DMXL2: variants seen among roughly 807,000 people sequenced by gnomAD.
DMXL2 encodes dmX-like protein 2.
A neutral mutation model predicts 331.1 loss-of-function variants in DMXL2; 103 were observed. The observed-to-expected ratio is 0.31, with a 90% CI of 0.27 to 0.37. The LOEUF (loss-of-function observed/expected upper bound fraction) is 0.37. Ranked by LOEUF, DMXL2 falls within the 10% of genes least tolerant of loss-of-function variation. The pLI is 1.00. For synonymous variants in DMXL2, 1,281 were observed against 1,252.1 expected, an observed-to-expected ratio of 1.02 and a Z score of -0.49; for missense variants, 3,171 against 3,642.9, an observed-to-expected ratio of 0.87 and a Z score of 3.33.
At chr15:51,604,401 CA>C (rs75104531) in intron 1 of DMXL2, among the ~76,000 whole-genome samples, 28 of 128,832 alleles carry the variant, frequency 2.2e-4, no homozygotes, top group Middle Eastern at 4.4e-3. Flanking sequence ...AAGAGATTTA[CA>C]AAAAAAAAAA....
chr15:51,453,726 T>G, intron 40 of DMXL2, 85 bp from the exon 41 acceptor site: 3 of 1,083,114 alleles, frequency 2.8e-6, no homozygotes, highest in South Asian at 1.4e-5. Context: ...GCTAATAACA[T>G]ACTATATGCA....
chr15:51,588,301 G>A (rs1047546150), intron 1 of DMXL2, among the ~76,000 whole-genome samples: 2 of 152,092 alleles, frequency 1.3e-5, no homozygotes, highest in Non-Finnish European at 2.9e-5. Context: ...AGGACCACAG[G>A]TGCAAGCACC....
chr15:51,453,584 G>C lies in DMXL2; in HGVS notation c.8662C>G (p.Leu2888Val), dbSNP rs775720567. 1 of 1,613,686 alleles carries C rather than the reference G, an allele frequency of 6.2e-7. No individual in the cohort carries two copies. The highest frequency in any genetic ancestry group is 1.1e-5 in the South Asian group (1 of 91,028). ...SDFAFITSSSLVATSGHSNDN... is the reference protein window; with the variant it reads ...SDFAFITSSSVVATSGHSNDN... Reference sequence around the variant, plus strand: ...TTGGAGTGTCCAGATGTGGCAACTAGACTTGAAGAGGTAATAAATGCAAAG... The same window carrying C: ...TTGGAGTGTCCAGATGTGGCAACTACACTTGAAGAGGTAATAAATGCAAAG... Residue 2888 changes from leucine (L) to valine (V), a missense_variant, in exon 41 of 44, where the codon CTA (leucine) becomes GTA (valine). By Grantham distance (32) the Leu-to-Val change is conservative (BLOSUM62 1). Transcript: ENST00000560891.
chr15:51,541,707 T>C (rs1027203577), intron 9 of DMXL2, among the ~76,000 whole-genome samples: 3 of 152,160 alleles, frequency 2.0e-5, no homozygotes, highest in Non-Finnish European at 2.9e-5. Context: ...CTATGAGCAA[T>C]GTAATATAAA....
chr15:51,522,353 C>T (rs1211024674), intron 13 of DMXL2, among the ~76,000 whole-genome samples: 1 of 152,126 alleles, frequency 6.6e-6, no homozygotes, highest in Non-Finnish European at 1.5e-5. Flanking sequence ...CCAATCTAAA[C>T]CAAACTTAGG....
intron 13 of DMXL2, among the ~76,000 whole-genome samples, chr15:51,530,741 A>T (rs2047954288): frequency 6.6e-6 from 1 of 152,044 alleles, no homozygotes; most frequent in Non-Finnish European, 1.5e-5. Context: ...GGTGACAGAG[A>T]CTCCGTCTCA....
At chr15:51,554,402 G>A (rs2049416093) in intron 6 of DMXL2, among the ~76,000 whole-genome samples, 1 of 152,116 alleles carries the variant, frequency 6.6e-6, no homozygotes. Context: ...AAAGGTGACT[G>A]CCTGTTTTAG....
intron 1 of DMXL2, among the ~76,000 whole-genome samples, chr15:51,597,711 C>T (rs553185503): frequency 1.3e-3 from 193 of 152,282 alleles, no homozygotes; most frequent in Admixed American, 2.2e-3. Context: ...GGCATTAATG[C>T]TAAATTGTTT....
intron 33 of DMXL2, 175 bp from the exon 34 acceptor site, chr15:51,459,835 C>G (rs1305383545): frequency 1.1e-5 from 13 of 1,171,660 alleles, no homozygotes; most frequent in African/African-American, 3.2e-5. Flanking sequence ...AAACACAACA[C>G]AAAGCCAAAA....
chr15:51,591,014 A>G (rs2052271841), intron 1 of DMXL2, among the ~76,000 whole-genome samples: 1 of 152,232 alleles, frequency 6.6e-6, no homozygotes, highest in Non-Finnish European at 1.5e-5. Flanking sequence ...AGCGACGCAG[A>G]AGATGGGTGA....
intron 15 of DMXL2, among the ~76,000 whole-genome samples, chr15:51,507,583 C>CA (rs957477549): frequency 1.3e-5 from 2 of 151,116 alleles, no homozygotes; most frequent in Non-Finnish European, 3.0e-5. Flanking sequence ...ACACAAATAC[C>CA]AAAAAAGGGT....
In DMXL2 at chr15:51,502,929, G is replaced by C; in HGVS notation, c.2869C>G (p.His957Asp). Reference sequence around the variant, plus strand: ...TGAAGATTGGCAATTGATGAAGAATGTGGCATGGGGCTCACACTAGGAGAG... The same window carrying C: ...TGAAGATTGGCAATTGATGAAGAATCTGGCATGGGGCTCACACTAGGAGAG... The part of the protein sequence containing the change: ...ETSPSVSPMP[H>D]SSSIANLQTA... The change falls in exon 17 of 44, where the codon CAT becomes GAT. Residue 957 changes from histidine to aspartate, a missense_variant. His to Asp is a moderately conservative substitution (Grantham distance 81). Transcript: ENST00000560891. 2 of 1,614,096 alleles carry C rather than the reference G, an allele frequency of 1.2e-6. No individual in the cohort carries two copies. The highest frequency in any genetic ancestry group is 2.2e-5 in the South Asian group (2 of 91,084).
At chr15:51,462,755 G>T (rs2040238366) in intron 33 of DMXL2, among the ~76,000 whole-genome samples, 1 of 152,044 alleles carries the variant, frequency 6.6e-6, no homozygotes, top group South Asian at 2.1e-4. Context: ...CATATAAAAG[G>T]TCCCACTTTT....
At chr15:51,582,832 T>C (rs529327638) in intron 1 of DMXL2, among the ~76,000 whole-genome samples, 2 of 152,026 alleles carry the variant, frequency 1.3e-5, no homozygotes, top group Non-Finnish European at 2.9e-5. Context: ...CACACATATA[T>C]TAAATTTTAA....
At chr15:51,521,968 C>G (rs1305894827) in intron 13 of DMXL2, among the ~76,000 whole-genome samples, 1 of 152,162 alleles carries the variant, frequency 6.6e-6, no homozygotes, top group Admixed American at 6.5e-5. Flanking sequence ...AATAGCAGCA[C>G]ACACTATACC....
intron 18 of DMXL2, among the ~76,000 whole-genome samples, chr15:51,497,060 G>A (rs2043234213): frequency 6.6e-6 from 1 of 152,126 alleles, no homozygotes. Flanking sequence ...CTTTCTTAAT[G>A]TCCCACAGTA....
At chr15:51,471,439 A>G (rs928443874) in intron 28 of DMXL2, 38 bp from the exon 29 acceptor site, 2 of 1,543,384 alleles carry the variant, frequency 1.3e-6, no homozygotes, top group African/African-American at 2.8e-5. Flanking sequence ...TCTAGCATTC[A>G]TTTTCCATTG....
Position 51,471,419 on chromosome 15 carries a change from GA to G in DMXL2, c.7214-19del, listed in dbSNP as rs748680037. 4.9e-5 allele frequency: 76 copies of G among 1,538,314 alleles called. No individual in the cohort carries two copies. Among genetic ancestry groups the G allele is most frequent in the Admixed American group, 2.4e-4 (12 of 49,794 alleles). On this transcript the variant is annotated intron_variant, in intron 28 of 43. Coordinates refer to ENST00000560891, the MANE Select transcript of DMXL2 (RefSeq NM_001378457.1). ...AGGAGGTGCTAAATGAAGATAGAAG[GA>G]AAAAAAAATCTAGCATTCATTTTCC...
At chr15:51,528,661 A>G (rs1288139863) in intron 13 of DMXL2, among the ~76,000 whole-genome samples, 1 of 152,158 alleles carries the variant, frequency 6.6e-6, no homozygotes, top group African/African-American at 2.4e-5. Context: ...ATAGACCCCA[A>G]TAAAATCATA....
Sources: allele counts gnomAD v4.1 joint callset (sites outside exome capture counted in the v4.1 genomes callset), GRCh38; gene constraint gnomAD v4.1.1; transcripts MANE v1.5; gene names NCBI Gene and HGNC (gene_info 2026-07-23, HGNC 2026-07-21).